The following AK7 variants were observed in gnomAD, a reference collection of about 807,000 sequenced individuals.
The protein encoded by AK7 is ATP-AMP transphosphorylase 7.
In AK7, 78 loss-of-function variants were observed where a neutral mutation model predicts 96.6. That is an observed-to-expected ratio of 0.81 (90% CI 0.67 to 0.97). The LOEUF is 0.97. AK7 is among the 50% of genes least tolerant of loss of function. The probability of loss-of-function intolerance (pLI) is 0.00; values close to 1 mark genes in which losing one functional copy is unlikely to be tolerated. For synonymous variants in AK7, 302 were observed against 317.2 expected, an observed-to-expected ratio of 0.95 and a Z score of 0.51; for missense variants, 855 against 887.9, an observed-to-expected ratio of 0.96 and a Z score of 0.47.
chr14:96,423,731 T>C (rs1891849423), intron 5 of AK7: 1 of 710,464 alleles, frequency 1.4e-6, no homozygotes, highest in Admixed American at 1.8e-5. Context: ...TTTGGGCACA[T>C]AGTCGTCCCA....
chr14:96,464,509 G>C (rs1894446579), intron 12 of AK7, among the ~76,000 whole-genome samples: 1 of 117,600 alleles, frequency 8.5e-6, no homozygotes, highest in Non-Finnish European at 1.6e-5. Context: ...GTGTGGCCGA[G>C]ACTCCAGCCT....
intron 11 of AK7, chr14:96,457,170 C>T (rs1441966232): frequency 1.4e-5 from 2 of 147,746 alleles, no homozygotes; most frequent in African/African-American, 2.5e-5. Flanking sequence ...AAGCAGTTCT[C>T]CTGCCTCAGC....
intron 12 of AK7, among the ~76,000 whole-genome samples, chr14:96,462,621 A>T (rs537128805): frequency 6.6e-6 from 1 of 152,168 alleles, no homozygotes; most frequent in South Asian, 2.1e-4. Context: ...TTTCAAAAGC[A>T]TTGTGAAATT....
intron 5 of AK7, among the ~76,000 whole-genome samples, chr14:96,435,610 C>G (rs1892593066): frequency 6.6e-6 from 1 of 152,116 alleles, no homozygotes; most frequent in Admixed American, 6.5e-5. Context: ...TGGAACTCAC[C>G]TAGAGTTGCA....
chr14:96,461,314 G>A (rs1894237396), intron 12 of AK7, among the ~76,000 whole-genome samples: 1 of 152,142 alleles, frequency 6.6e-6, no homozygotes, highest in Non-Finnish European at 1.5e-5. Context: ...GAGTTCTGAT[G>A]CTTACCTTTT....
chr14:96,449,443 T>TTTGC (rs1167529854), intron 8 of AK7, among the ~76,000 whole-genome samples: 1 of 152,180 alleles, frequency 6.6e-6, no homozygotes, highest in African/African-American at 2.4e-5. Flanking sequence ...TGTTTGTTTG[T>TTTGC]TTGCTTTTGA....
At chr14:96,486,637 CTT>C (rs373214244) in intron 16 of AK7, among the ~76,000 whole-genome samples, 3 of 136,914 alleles carry the variant, frequency 2.2e-5, no homozygotes, top group African/African-American at 5.3e-5. Flanking sequence ...AGTGGCATTT[CTT>C]TTTTTTTTTT....
chr14:96,395,772 C>T (rs1890039223), intron 1 of AK7, among the ~76,000 whole-genome samples: 1 of 137,810 alleles, frequency 7.3e-6, no homozygotes, highest in South Asian at 2.3e-4. Context: ...TTATCTCCTT[C>T]CTTAAATTAA....
chr14:96,471,421 T>A (rs1894879079), intron 12 of AK7, 57 bp from the exon 13 acceptor site: 2 of 906,558 alleles, frequency 2.2e-6, no homozygotes, highest in South Asian at 3.2e-5. Flanking sequence ...TTAAAACAAC[T>A]CTTACTTAGA....
At chr14:96,438,045 G>A in intron 6 of AK7, 130 bp downstream of exon 6, 1 of 638,158 alleles carries the variant, frequency 1.6e-6, no homozygotes, top group East Asian at 2.9e-5. Flanking sequence ...GGCAAGTATG[G>A]ATGTCACCAC....
intron 1 of AK7, among the ~76,000 whole-genome samples, chr14:96,396,483 T>C (rs1366085010): frequency 1.3e-5 from 2 of 152,200 alleles, no homozygotes; most frequent in African/African-American, 2.4e-5. Flanking sequence ...GTTTGAGAGA[T>C]AAATGAAATG....
rs1383362827 is a variant in AK7 at position 96,408,952 on chromosome 14, C to T, written c.498+11C>T. ...AAAGCCCTGGACCCCGTAAGTAGAG[C>T]GTTAGCTTTCCTTTAGGTAACATTT... On this transcript the variant is annotated intron_variant, in intron 4 of 17. Coordinates refer to ENST00000267584, the MANE Select transcript of AK7 (RefSeq NM_152327.5). The T allele has an allele frequency of 6.2e-6, 10 of 1,612,770 alleles. No homozygotes were observed. The Admixed American group carries it at 1.0e-4, about 16-fold the overall frequency.
chr14:96,477,976 A>G (rs1482082503), intron 14 of AK7, among the ~76,000 whole-genome samples: 2 of 152,178 alleles, frequency 1.3e-5, no homozygotes, highest in African/African-American at 2.4e-5. Flanking sequence ...CAAGAATTTG[A>G]GATCAGCCCG....
intron 5 of AK7, among the ~76,000 whole-genome samples, chr14:96,429,513 A>G (rs372949974): frequency 1.3e-5 from 2 of 152,078 alleles, no homozygotes; most frequent in Admixed American, 6.6e-5. Context: ...TCATTGGTAG[A>G]TTGATGGGGA....
chr14:96,452,454 TACCTGAGATTACAGGTGTGC>T lies in AK7; in HGVS notation c.1098+888_1098+907del, dbSNP rs540717089. 6.9e-3 allele frequency among the ~76,000 whole-genome samples: 1,050 copies of T among 151,172 alleles called. 7 individuals carry two copies. Among genetic ancestry groups the T allele is most frequent in the African/African-American group, 0.024 (975 of 41,156 alleles). ...TCTCGTGCCTCAGCCTCCTGAGTAG[TACCTGAGATTACAGGTGTGC>T]ACCATCACATCTGGTTAATTTTTGT... On this transcript the variant is annotated intron_variant, in intron 10 of 17. Coordinates refer to ENST00000267584, the MANE Select transcript of AK7 (RefSeq NM_152327.5).
At chr14:96,471,986 G>GT (rs1894920632) in intron 13 of AK7, among the ~76,000 whole-genome samples, 1 of 151,930 alleles carries the variant, frequency 6.6e-6, no homozygotes, top group Non-Finnish European at 1.5e-5. Context: ...CTGTTGATTA[G>GT]TAACTTTTGT....
At chr14:96,428,599 A>C (rs1449783728) in intron 5 of AK7, among the ~76,000 whole-genome samples, 3 of 152,080 alleles carry the variant, frequency 2.0e-5, no homozygotes, top group Non-Finnish European at 2.9e-5. Flanking sequence ...AAGTGTTCCT[A>C]TTTCTCCACA....
Position 96,487,039 on chromosome 14 carries a change from G to C in AK7, c.2116G>C (p.Asp706His). Reference sequence around the variant, plus strand: ...TGAATGTTGCAACGTCCGACCCGAAGACCCTGTTGATTTTCTGGTAACATA... The same window carrying C: ...TGAATGTTGCAACGTCCGACCCGAACACCCTGTTGATTTTCTGGTAACATA... ...LNECCNVRPE[D>H]PVDFLAEYLF... is the part of the protein sequence containing the mutation. The change falls in exon 17 of 18, where the codon GAC becomes CAC. Residue 706 changes from aspartate (D) to histidine (H), a missense_variant. Asp to His is a moderately conservative substitution (Grantham distance 81, BLOSUM62 -1). Coordinates refer to ENST00000267584, the MANE Select transcript of AK7 (RefSeq NM_152327.5). The C allele has an allele frequency of 2.5e-6, 4 of 1,613,836 alleles. No homozygotes were observed. The highest frequency in any genetic ancestry group is 3.4e-6 in the Non-Finnish European group (4 of 1,179,976).
chr14:96,417,089 C>A (rs1030736439), intron 4 of AK7, among the ~76,000 whole-genome samples: 17 of 152,142 alleles, frequency 1.1e-4, no homozygotes, highest in African/African-American at 4.1e-4. Flanking sequence ...GGGCCAGTCA[C>A]AGGGAGCAAG....
Sources: gnomAD v4.1 joint callset for allele counts (sites outside exome capture counted in the v4.1 genomes callset) on GRCh38, gnomAD v4.1.1 for gene constraint, MANE v1.5 for transcripts, NCBI Gene and HGNC (gene_info 2026-07-23, HGNC 2026-07-21) for gene names.